The following DNAH7 variants were observed in gnomAD, a reference collection of about 807,000 sequenced individuals.
The protein encoded by DNAH7 is dynein axonemal heavy chain 7.
In DNAH7, 397 loss-of-function variants were observed where a neutral mutation model predicts 444.6. The ratio of observed to expected loss-of-function variants is 0.89; its 90% CI spans 0.82 to 0.97. The LOEUF is 0.97. Among genes scored for constraint, DNAH7 ranks in the 50% least tolerant of loss-of-function variants. The pLI, the probability that DNAH7 is intolerant of heterozygous loss-of-function variation, is 0.00. For missense variants in DNAH7, 4,902 were observed against 4,800.8 expected (o/e 1.02, Z -0.62); for synonymous variants, 1,636 against 1,624.4 (o/e 1.01, Z -0.17).
chr2:195,852,561 A>T (rs1699434994), intron 46 of DNAH7, among the ~76,000 whole-genome samples: 1 of 152,068 alleles, frequency 6.6e-6, no homozygotes, highest in Non-Finnish European at 1.5e-5. Flanking sequence ...GCCATGACCC[A>T]GGTTGGATTC....
chr2:196,064,988 C>T (rs1371788930), intron 1 of DNAH7, among the ~76,000 whole-genome samples: 2 of 152,082 alleles, frequency 1.3e-5, no homozygotes, highest in Admixed American at 6.6e-5. Context: ...TATATATGTG[C>T]ATCTCTGTTT....
chr2:195,853,363 A>T lies in DNAH7; in HGVS notation c.8761T>A (p.Phe2921Ile). ...SSGVVAYLGA[F>I]TSTYRQNQTK... ...CTTACCTGTCTATAGGTGGATGTGA[A>T]GGCTCCGAGGTAAGCAACCACTCCG... The change falls in exon 46 of 65, where the codon TTC becomes ATC. Residue 2921 changes from phenylalanine to isoleucine, a missense_variant. Physicochemically the swap from Phe to Ile is conservative, Grantham distance 21 (BLOSUM62 0). Transcript: ENST00000312428. 4 of 1,613,980 alleles carry T rather than the reference A, an allele frequency of 2.5e-6. No individual in the cohort carries two copies. Among genetic ancestry groups the T allele is most frequent in the Non-Finnish European group, 3.4e-6 (4 of 1,179,926 alleles).
chr2:195,948,113 C>T (rs1390671675), intron 19 of DNAH7, among the ~76,000 whole-genome samples: 5 of 152,044 alleles, frequency 3.3e-5, no homozygotes, highest in Admixed American at 1.3e-4. Flanking sequence ...TGTCTGTTCA[C>T]ATGCCTTGCC....
At chr2:195,898,352 A>G (rs1194185434) in intron 28 of DNAH7, among the ~76,000 whole-genome samples, 3 of 152,152 alleles carry the variant, frequency 2.0e-5, no homozygotes, top group Non-Finnish European at 2.9e-5. Flanking sequence ...TTGTAATATA[A>G]TTTAAGTGTA....
intron 63 of DNAH7, among the ~76,000 whole-genome samples, chr2:195,751,785 G>A (rs1693813846): frequency 6.6e-6 from 1 of 152,102 alleles, no homozygotes; most frequent in Non-Finnish European, 1.5e-5. Context: ...CACCATAAGG[G>A]GTCTGGATTT....
chr2:196,006,334 A>G (rs1694373459), intron 10 of DNAH7, among the ~76,000 whole-genome samples: 1 of 152,158 alleles, frequency 6.6e-6, no homozygotes, highest in South Asian at 2.1e-4. Flanking sequence ...TCTCCATTCC[A>G]TGACCATGTA....
chr2:195,951,153 C>T (rs538023490), intron 19 of DNAH7, among the ~76,000 whole-genome samples: 3 of 152,174 alleles, frequency 2.0e-5, no homozygotes, highest in African/African-American at 7.2e-5. Context: ...TTGTTCTCAT[C>T]GGCTTCAAAG....
At chr2:195,884,299 T>G (rs2125188150) in intron 35 of DNAH7, among the ~76,000 whole-genome samples, 1 of 152,358 alleles carries the variant, frequency 6.6e-6, no homozygotes, top group East Asian at 1.9e-4. Context: ...GTGATTCTAT[T>G]TAATGAGTGC....
intron 63 of DNAH7, among the ~76,000 whole-genome samples, chr2:195,747,388 C>T (rs1693491603): frequency 6.6e-6 from 1 of 152,222 alleles, no homozygotes; most frequent in Admixed American, 6.5e-5. Context: ...GACGGATTCA[C>T]AGCCTAATTC....
intron 63 of DNAH7, among the ~76,000 whole-genome samples, chr2:195,748,617 G>T (rs980780050): frequency 1.3e-5 from 2 of 152,156 alleles, no homozygotes; most frequent in African/African-American, 2.4e-5. Flanking sequence ...GAAACAGCAT[G>T]GTACTGGTAC....
chr2:196,033,903 C>T (rs1696220245), intron 5 of DNAH7, among the ~76,000 whole-genome samples: 2 of 152,272 alleles, frequency 1.3e-5, no homozygotes, highest in South Asian at 4.1e-4. Flanking sequence ...TTTACATTCT[C>T]ATCAACACTG....
At chr2:196,036,046 T>C (rs77342886) in intron 5 of DNAH7, among the ~76,000 whole-genome samples, 4 of 149,774 alleles carry the variant, frequency 2.7e-5, no homozygotes, top group South Asian at 2.1e-4. Flanking sequence ...TTTTTTTTTT[T>C]TCCAGGCAGA....
intron 19 of DNAH7, among the ~76,000 whole-genome samples, chr2:195,938,798 T>G (rs1045568328): frequency 6.6e-6 from 1 of 152,170 alleles, no homozygotes; most frequent in African/African-American, 2.4e-5. Context: ...ATGCTACTTT[T>G]AAATGAACAC....
intron 14 of DNAH7, among the ~76,000 whole-genome samples, chr2:195,985,793 T>C (rs774401437): frequency 1.1e-4 from 16 of 152,136 alleles, no homozygotes; most frequent in Non-Finnish European, 1.5e-4. Context: ...AGAAGACACT[T>C]TCACTATTCT....
intron 33 of DNAH7, among the ~76,000 whole-genome samples, chr2:195,887,684 G>A (rs1486897173): frequency 6.6e-6 from 1 of 152,174 alleles, no homozygotes; most frequent in Non-Finnish European, 1.5e-5. Flanking sequence ...CCTTTGGTCA[G>A]CATCTCCCAA....
chr2:196,049,763 T>C (rs868253437), intron 3 of DNAH7, among the ~76,000 whole-genome samples: 9 of 152,344 alleles, frequency 5.9e-5, no homozygotes, highest in Middle Eastern at 3.4e-3. Flanking sequence ...GATTATATGC[T>C]TCGCCCACAA....
At chr2:196,004,828 A>G (rs991670970) in intron 10 of DNAH7, among the ~76,000 whole-genome samples, 2 of 151,838 alleles carry the variant, frequency 1.3e-5, no homozygotes, top group Non-Finnish European at 1.5e-5. Context: ...AGGCATGGTG[A>G]CATGCGCCTG....
At chr2:195,754,566 TC>T (rs1479522881) in intron 62 of DNAH7, 52 bp from the exon 63 acceptor site, 12 of 1,546,650 alleles carry the variant, frequency 7.8e-6, no homozygotes, top group Non-Finnish European at 4.4e-6. Flanking sequence ...AACCTTTTTT[TC>T]TTTTTTTTTG....
chr2:195,876,122 A>G (rs1013853206), intron 37 of DNAH7, among the ~76,000 whole-genome samples: 9 of 152,180 alleles, frequency 5.9e-5, no homozygotes, highest in Admixed American at 4.6e-4. Flanking sequence ...AATATACTGC[A>G]TATTTTTTCC....
Sources: allele counts gnomAD v4.1 joint callset (sites outside exome capture counted in the v4.1 genomes callset), GRCh38; gene constraint gnomAD v4.1.1; transcripts MANE v1.5; gene names NCBI Gene and HGNC (gene_info 2026-07-23, HGNC 2026-07-21).